The following LUZP2 variants were observed in gnomAD, a reference collection of about 807,000 sequenced individuals.
LUZP2 encodes the protein leucine zipper protein 2.
Under a neutral mutation model 51.6 loss-of-function variants are expected in LUZP2, and 52 were observed. The ratio of observed to expected loss-of-function variants is 1.01; its 90% CI spans 0.81 to 1.27. LUZP2 has a LOEUF of 1.27. Among genes scored for constraint, LUZP2 ranks in the 50% most tolerant of loss-of-function variants. The pLI is 0.00. For synonymous variants in LUZP2, 154 were observed against 137.3 expected (o/e 1.12, Z -0.85); for missense variants, 436 against 395.4 (o/e 1.10, Z -0.87).
intron 5 of LUZP2, among the ~76,000 whole-genome samples, chr11:24,765,505 T>C (rs937052994): frequency 1.3e-5 from 2 of 152,194 alleles, no homozygotes; most frequent in African/African-American, 4.8e-5. Flanking sequence ...TCTGCATCTA[T>C]TGAGACAACC....
At chr11:24,831,270 T>C (rs1014359420) in intron 5 of LUZP2, among the ~76,000 whole-genome samples, 1 of 152,228 alleles carries the variant, frequency 6.6e-6, no homozygotes, top group African/African-American at 2.4e-5. Flanking sequence ...ATTTAAGCTC[T>C]TTATGCCAAA....
At chr11:24,976,861 T>C (rs893800901) in intron 8 of LUZP2, among the ~76,000 whole-genome samples, 196 bp downstream of exon 8, 21 of 151,858 alleles carry the variant, frequency 1.4e-4, no homozygotes, top group Non-Finnish European at 2.5e-4. Context: ...TTTTTGCTGC[T>C]ACAGTAAACT....
At chr11:24,908,257 G>C (rs890176935) in intron 6 of LUZP2, among the ~76,000 whole-genome samples, 2 of 151,974 alleles carry the variant, frequency 1.3e-5, no homozygotes, top group Middle Eastern at 3.4e-3. Context: ...TATTCACAAG[G>C]GAAGCTACTA....
At chr11:25,043,970 A>G (rs1858166105) in intron 9 of LUZP2, among the ~76,000 whole-genome samples, 2 of 146,298 alleles carry the variant, frequency 1.4e-5, no homozygotes, top group South Asian at 4.2e-4. Flanking sequence ...TAGTCCATAT[A>G]TATCTGATAT....
rs182593266 is a variant in LUZP2, at chr11:25,027,795, G to A, written c.766-22243G>A. Among the ~76,000 whole-genome samples the A allele has an allele frequency of 5.0e-3, 751 of 151,628 alleles. 5 individuals are homozygous for A. Among genetic ancestry groups the A allele is most frequent in the African/African-American group, 0.017 (715 of 41,320 alleles). On this transcript the variant is annotated intron_variant, in intron 9 of 11. Coordinates refer to ENST00000336930, the MANE Select transcript of LUZP2 (RefSeq NM_001009909.4). ...CTGAGGCAGAGAATTGCTTGAACCCGGGAGGCAGAGGTTGCAGTGAGCTGA... is the reference window on the plus strand; with the variant it reads ...CTGAGGCAGAGAATTGCTTGAACCCAGGAGGCAGAGGTTGCAGTGAGCTGA...
At chr11:24,780,459 A>G (rs989206186) in intron 5 of LUZP2, among the ~76,000 whole-genome samples, 2 of 152,156 alleles carry the variant, frequency 1.3e-5, no homozygotes, top group African/African-American at 4.8e-5. Context: ...ATAAACTTAT[A>G]TGATAGTTGT....
chr11:24,534,105 A>G (rs1207742796), intron 1 of LUZP2, among the ~76,000 whole-genome samples: 1 of 151,358 alleles, frequency 6.6e-6, no homozygotes, highest in Non-Finnish European at 1.5e-5. Context: ...TGTTGAATCC[A>G]GGTCTCCAAA....
At chr11:24,517,555 A>T (rs4073195) in intron 1 of LUZP2, among the ~76,000 whole-genome samples, 14,155 of 145,256 alleles carry the variant, frequency 0.097, 1,301 homozygotes, top group African/African-American at 0.22. Context: ...TTTTATATTT[A>T]AAAAATGTTC....
intron 8 of LUZP2, 41 bp downstream of exon 8, chr11:24,976,706 CAAAAAAA>C (rs57265111): frequency 0.014 from 4,716 of 330,228 alleles, no homozygotes; most frequent in Middle Eastern, 0.043. Flanking sequence ...GTAGTTTTAG[CAAAAAAA>C]AAAAAAAAAA....
At chr11:24,847,733 T>A (rs2134214150) in intron 5 of LUZP2, among the ~76,000 whole-genome samples, 2 of 152,314 alleles carry the variant, frequency 1.3e-5, no homozygotes, top group South Asian at 4.1e-4. Flanking sequence ...CCACAATTTT[T>A]GCCAAATATT....
intron 1 of LUZP2, among the ~76,000 whole-genome samples, chr11:24,531,039 T>TTTTTTATTATTATTATTA (rs547008686): frequency 6.9e-6 from 1 of 144,838 alleles, no homozygotes; most frequent in African/African-American, 2.6e-5. Context: ...TTTAGCCTCT[T>TTTTTTATTATTATTATTA]TTATTATTAT....
rs988293325 is a variant in LUZP2 at position 25,053,647 on chromosome 11, G to C, written c.858+3517G>C. On this transcript the variant is annotated intron_variant, in intron 10 of 11. Transcript: ENST00000336930. The stretch of plus-strand genomic sequence containing the variant: ...TATTTGTTTGTACCTTTTTATTGCT[G>C]AAAACCATTTTATTGTGTGGTGTAC... 2.0e-5 allele frequency among the ~76,000 whole-genome samples: 3 copies of C among 150,964 alleles called. No homozygotes were observed. The East Asian group carries it at 5.9e-4, about 30-fold the overall frequency.
At chr11:24,912,732 C>T (rs1286785587) in intron 6 of LUZP2, among the ~76,000 whole-genome samples, 1 of 152,102 alleles carries the variant, frequency 6.6e-6, no homozygotes, top group African/African-American at 2.4e-5. Flanking sequence ...ATTGCTTGAA[C>T]CAAGGAGGCG....
chr11:24,576,611 CAG>C lies in LUZP2; in HGVS notation c.62+79307_62+79308del, dbSNP rs1274751047. On this transcript the variant is annotated intron_variant, in intron 1 of 11. Coordinates refer to ENST00000336930, the MANE Select transcript of LUZP2 (RefSeq NM_001009909.4). Reference sequence around the variant, plus strand: ...GTTAAAGAAAAAACACGCGTACAGACAGTGCCGAATTGCCAATGCCAAACATT... The same window carrying C: ...GTTAAAGAAAAAACACGCGTACAGACTGCCGAATTGCCAATGCCAAACATT... 3.3e-5 allele frequency among the ~76,000 whole-genome samples: 5 copies of C among 151,952 alleles called. No individual in the cohort carries two copies. In the East Asian group the frequency reaches 9.7e-4, roughly 29 times the overall value.
intron 1 of LUZP2, among the ~76,000 whole-genome samples, chr11:24,531,039 T>TTTATTATTA (rs367681666): frequency 1.3e-3 from 188 of 144,898 alleles, no homozygotes; most frequent in African/African-American, 4.6e-3. Context: ...TTTAGCCTCT[T>TTTATTATTA]TTATTATTAT....
chr11:25,042,227 T>TC (rs397955271), intron 9 of LUZP2, among the ~76,000 whole-genome samples: 2 of 151,844 alleles, frequency 1.3e-5, no homozygotes, highest in Non-Finnish European at 2.9e-5. Context: ...CTATTTTTTT[T>TC]AATGGCACAA....
In LUZP2 at chr11:24,659,000, G is replaced by A. The variant is rs543177544; in HGVS notation, c.63-70169G>A. 1.2e-4 allele frequency among the ~76,000 whole-genome samples: 18 copies of A among 151,696 alleles called. No individual in the cohort carries two copies. The South Asian group carries it at 2.7e-3, about 23-fold the overall frequency. On this transcript the variant is annotated intron_variant, in intron 1 of 11. Coordinates refer to ENST00000336930, the MANE Select transcript of LUZP2 (RefSeq NM_001009909.4). ...ACTGTAAACTAGTTCAACCATTGTGGAAGTCAGTGTGGTGATTCCTCAGGG... is the reference window on the plus strand; with the variant it reads ...ACTGTAAACTAGTTCAACCATTGTGAAAGTCAGTGTGGTGATTCCTCAGGG...
chr11:24,637,329 G>C (rs1855138551), intron 1 of LUZP2, among the ~76,000 whole-genome samples: 1 of 151,746 alleles, frequency 6.6e-6, no homozygotes, highest in Non-Finnish European at 1.5e-5. Context: ...GTAAGCTGAG[G>C]ATGTATGTCA....
chr11:25,078,844 T>C lies in LUZP2; in HGVS notation c.*186T>C. The stretch of plus-strand genomic sequence containing the variant: ...TTATGATCCTTAAGCAATAACCTCA[T>C]TGAATTGAATACCCACAGTCAGAAA... On this transcript the variant is annotated 3_prime_UTR_variant, in exon 12 of 12. Coordinates refer to ENST00000336930, the MANE Select transcript of LUZP2 (RefSeq NM_001009909.4). 1 of 524,014 alleles carries C rather than the reference T, an allele frequency of 1.9e-6. No individual in the cohort carries two copies. The allele number at this position is 524,014 out of a possible 1,614,324, so 32.5% of individuals were successfully genotyped here. A position where few individuals can be genotyped will look rare whatever the true frequency, so the allele number is the denominator to read the frequency against.
Sources: gnomAD v4.1 joint callset for allele counts (sites outside exome capture counted in the v4.1 genomes callset) on GRCh38, gnomAD v4.1.1 for gene constraint, MANE v1.5 for transcripts, NCBI Gene and HGNC (gene_info 2026-07-23, HGNC 2026-07-21) for gene names.